Variants in NFX1 observed in about 807,000 individuals in gnomAD.
NFX1 encodes the protein nuclear transcription factor, X-box binding 1, also known as transcriptional repressor NF-X1.
Under a neutral mutation model 137.2 loss-of-function variants are expected in NFX1, and 69 were observed. That is an observed-to-expected ratio of 0.50 (90% CI 0.41 to 0.61). The LOEUF is 0.61. Ranked by LOEUF, NFX1 falls within the 20% of genes least tolerant of loss-of-function variation. The probability of loss-of-function intolerance (pLI) is 0.00; values close to 1 mark genes in which losing one functional copy is unlikely to be tolerated. For missense variants in NFX1, 1,167 were observed against 1,391.0 expected (o/e 0.84, Z 2.56); for synonymous variants, 495 against 474.1 (o/e 1.04, Z -0.57).
rs1176421882 is a variant in NFX1 at position 33,301,405 on chromosome 9, T to C, written c.1176T>C (p.Ser392=). Residue 392 remains serine (S), a synonymous_variant, in exon 3 of 24, where the codon TCT becomes TCC. Coordinates refer to ENST00000379540, the MANE Select transcript of NFX1 (RefSeq NM_002504.6). ...HLNCIKKWAR[S]PASQADGQSG... Reference sequence around the variant, plus strand: ...ACTGCATAAAGAAATGGGCAAGGTCTCCAGCATCTCAAGCAGGTCAATTAA... The same window carrying C: ...ACTGCATAAAGAAATGGGCAAGGTCCCCAGCATCTCAAGCAGGTCAATTAA... 6.2e-7 allele frequency: 1 copy of C among 1,614,056 alleles called. No homozygotes were observed. Among genetic ancestry groups the C allele is most frequent in the East Asian group, 2.2e-5 (1 of 44,880 alleles).
In NFX1 at chr9:33,348,505, GAA is replaced by G. The variant is rs35534651; in HGVS notation, c.2424+1399_2424+1400del. ...CAAGAACTATTGAAATAAGAAAAAA[GAA>G]AAAAAAAAAATCACTGATTGCAGGT... On this transcript the variant is annotated intron_variant, in intron 15 of 23. Coordinates refer to ENST00000379540, the MANE Select transcript of NFX1 (RefSeq NM_002504.6). 239 of 147,330 alleles carry G rather than the reference GAA, an allele frequency of 1.6e-3. 1 individual carries two copies. The highest frequency in any genetic ancestry group is 0.015 in the East Asian group (75 of 5,048). The allele number at this position is 147,330 out of a possible 1,614,324, so 9.1% of individuals were successfully genotyped here.
Position 33,346,960 on chromosome 9 carries a change from T to C in NFX1, c.2345-78T>C. The C allele has an allele frequency of 3.6e-6, 4 of 1,103,192 alleles. No individual in the cohort carries two copies. In the South Asian group the frequency reaches 6.4e-5, roughly 18 times the overall value. The allele number at this position is 1,103,192 out of a possible 1,614,324, so 68.3% of individuals were successfully genotyped here. Reference sequence around the variant, plus strand: ...CTGAATTTAAAAGTTTCATGCCGTATGCCACTTATATGATGTATAATGGTT... The same window carrying C: ...CTGAATTTAAAAGTTTCATGCCGTACGCCACTTATATGATGTATAATGGTT... On this transcript the variant is annotated intron_variant, in intron 14 of 23. Coordinates refer to ENST00000379540, the MANE Select transcript of NFX1 (RefSeq NM_002504.6).
chr9:33,321,632 T>G (rs762508897), intron 9 of NFX1, among the ~76,000 whole-genome samples: 1 of 152,142 alleles, frequency 6.6e-6, no homozygotes, highest in Non-Finnish European at 1.5e-5. Flanking sequence ...TCTCAGCACT[T>G]TGGGAGGCCA....
intron 9 of NFX1, among the ~76,000 whole-genome samples, chr9:33,327,758 A>G (rs1469046178): frequency 1.3e-5 from 2 of 152,234 alleles, no homozygotes; most frequent in African/African-American, 4.8e-5. Flanking sequence ...AAGAGACCCC[A>G]GGTGATCCCC....
intron 12 of NFX1, among the ~76,000 whole-genome samples, chr9:33,341,268 A>G (rs993603194): frequency 1.3e-5 from 2 of 152,238 alleles, no homozygotes; most frequent in South Asian, 2.1e-4. Context: ...GGCAGCAGGC[A>G]GAGGGAGAGA....
At chr9:33,331,838 C>T (rs1382436897) in intron 10 of NFX1, among the ~76,000 whole-genome samples, 3 of 152,114 alleles carry the variant, frequency 2.0e-5, no homozygotes, top group Admixed American at 1.3e-4. Flanking sequence ...ACTCATTCTA[C>T]CCCAAGTGAC....
intron 19 of NFX1, among the ~76,000 whole-genome samples, chr9:33,357,548 T>G (rs905954113): frequency 2.0e-5 from 3 of 152,092 alleles, no homozygotes; most frequent in Non-Finnish European, 2.9e-5. Context: ...TATTTATTTA[T>G]TGAGATAGGA....
In NFX1 at chr9:33,294,921, A is replaced by G. The variant is rs1821295989; in HGVS notation, c.527A>G (p.Tyr176Cys). ...AKPKKATQFVYSYGRGPKVKG... is the reference protein window; with the variant it reads ...AKPKKATQFVCSYGRGPKVKG... ...CCCAAAAAAGCAACACAGTTTGTAT[A>G]CAGCTATGGTAGAGGACCAAAAGTC... Residue 176 changes from tyrosine (Y) to cysteine (C), a missense_variant, in exon 2 of 24, where the codon TAC becomes TGC. Physicochemically the swap from Tyr to Cys is radical, Grantham distance 194. This residue lies in a region of NFX1 where 367 missense variants were observed against 386.7 expected (regional missense o/e 0.95). Coordinates refer to ENST00000379540, the MANE Select transcript of NFX1 (RefSeq NM_002504.6). 1 of 1,614,150 alleles carries G rather than the reference A, an allele frequency of 6.2e-7. No individual in the cohort carries two copies. The highest frequency in any genetic ancestry group is 1.3e-5 in the African/African-American group (1 of 75,038).
At chr9:33,294,283 G>A in intron 1 of NFX1, 137 bp from the exon 2 acceptor site, 1 of 808,082 alleles carries the variant, frequency 1.2e-6, no homozygotes, top group South Asian at 1.9e-5. Flanking sequence ...CACCTTCACT[G>A]GAAACATAGT....
chr9:33,310,053 A>G (rs1374313336), intron 5 of NFX1, among the ~76,000 whole-genome samples: 2 of 152,216 alleles, frequency 1.3e-5, no homozygotes, highest in East Asian at 1.9e-4. Flanking sequence ...TATGTCTCCT[A>G]TGGGTATTGT....
intron 2 of NFX1, among the ~76,000 whole-genome samples, chr9:33,297,799 C>A (rs144462968): frequency 1.3e-5 from 2 of 152,260 alleles, no homozygotes; most frequent in Non-Finnish European, 2.9e-5. Flanking sequence ...CAGCTGCTGC[C>A]ACTTCAGATC....
intron 23 of NFX1, 40 bp downstream of exon 23, chr9:33,367,659 C>T (rs768149583): frequency 6.3e-7 from 1 of 1,596,926 alleles, no homozygotes; most frequent in South Asian, 1.1e-5. Flanking sequence ...ACCTGTCTGT[C>T]CAGAAAAGCT....
rs1476214463 is a variant in NFX1 at position 33,294,899 on chromosome 9, A to T, written c.505A>T (p.Lys169Ter). 1 of 1,614,058 alleles carries T rather than the reference A, an allele frequency of 6.2e-7. No individual in the cohort carries two copies. The highest frequency in any genetic ancestry group is 8.5e-7 in the Non-Finnish European group (1 of 1,180,044). ...TGCAGATCCCAGGGGAGCAAAACCC[A>T]AAAAAGCAACACAGTTTGTATACAG... ...VGADPRGAKP[K>*]KATQFVYSYG... is the part of the protein sequence containing the mutation. Residue 169 changes from lysine (K) to a stop codon, truncating the protein, a stop_gained, in exon 2 of 24, where the codon AAA (lysine) becomes TAA (stop). Transcript: ENST00000379540. LOFTEE classifies it high-confidence loss of function.
At chr9:33,309,372 A>T (rs1564109193) in intron 5 of NFX1, among the ~76,000 whole-genome samples, 1 of 152,068 alleles carries the variant, frequency 6.6e-6, no homozygotes, top group East Asian at 1.9e-4. Context: ...AAAAAAAAAA[A>T]AACTTAATCC....
intron 2 of NFX1, among the ~76,000 whole-genome samples, chr9:33,296,010 A>C (rs1426275519): frequency 6.6e-6 from 1 of 152,138 alleles, no homozygotes; most frequent in Non-Finnish European, 1.5e-5. Flanking sequence ...AGCTCACTGC[A>C]ACTCCTCCTG....
chr9:33,301,440 C>T lies in NFX1; in HGVS notation c.1192+19C>T, dbSNP rs1331065377. The T allele has an allele frequency of 6.2e-7, 1 of 1,610,374 alleles. No individual in the cohort carries two copies. Among genetic ancestry groups the T allele is most frequent in the East Asian group, 2.2e-5 (1 of 44,784 alleles). The stretch of plus-strand genomic sequence containing the variant: ...CAAGCAGGTCAATTAATTCTCTCTT[C>T]TGAGTAGTTATTCTCCCCTATTTGA... On this transcript the variant is annotated intron_variant, in intron 3 of 23. Transcript: ENST00000379540.
At chr9:33,356,019 G>C (rs542191080) in intron 19 of NFX1, among the ~76,000 whole-genome samples, 1 of 152,290 alleles carries the variant, frequency 6.6e-6, no homozygotes, top group Non-Finnish European at 1.5e-5. Context: ...TAGAATTGCT[G>C]ATTAATAGGG....
In NFX1 at chr9:33,366,650, C is replaced by T; in HGVS notation, c.3061C>T (p.His1021Tyr). 4 of 1,614,048 alleles carry T rather than the reference C, an allele frequency of 2.5e-6. No individual in the cohort carries two copies. Among genetic ancestry groups the T allele is most frequent in the Non-Finnish European group, 3.4e-6 (4 of 1,180,020 alleles). The change falls in exon 22 of 24, where the codon CAC (histidine) becomes TAC (tyrosine). Residue 1021 changes from histidine (H) to tyrosine (Y), a missense_variant. By Grantham distance (83) the His-to-Tyr change is moderately conservative. Coordinates refer to ENST00000379540, the MANE Select transcript of NFX1 (RefSeq NM_002504.6). ...VNKGKNSKKSHSFPPMNRDHR... is the reference protein window; with the variant it reads ...VNKGKNSKKSYSFPPMNRDHR... ...ACAGGGAAAGAATAGTAAGAAAAGC[C>T]ACAGCTTCCCTCCCATGAACAGAGA...
chr9:33,301,560 G>T, intron 3 of NFX1, 139 bp downstream of exon 3: 1 of 765,444 alleles, frequency 1.3e-6, no homozygotes, highest in Middle Eastern at 3.9e-4. Flanking sequence ...TTGATCATGT[G>T]TTTCATATGA....
Sources: allele counts gnomAD v4.1 joint callset (sites outside exome capture counted in the v4.1 genomes callset), GRCh38; gene constraint gnomAD v4.1.1; regional missense constraint gnomAD v4.1.1; transcripts MANE v1.5; gene names NCBI Gene and HGNC (gene_info 2026-07-23, HGNC 2026-07-21).